Variants in SMG6 observed in about 807,000 individuals in gnomAD.
The protein encoded by SMG6 is SMG6 nonsense mediated mRNA decay factor, also known as telomerase-binding protein EST1A.
In SMG6, 66 loss-of-function variants were observed where a neutral mutation model predicts 142.2. The ratio of observed to expected loss-of-function variants is 0.46; its 90% CI spans 0.38 to 0.57. SMG6 has a LOEUF of 0.57. Among genes scored for constraint, SMG6 ranks in the 20% least tolerant of loss-of-function variants. The pLI is 0.00. For synonymous variants in SMG6, 779 were observed against 702.4 expected, an observed-to-expected ratio of 1.11 and a Z score of -1.72; for missense variants, 1,793 against 1,832.0, an observed-to-expected ratio of 0.98 and a Z score of 0.39.
chr17:2,188,639 G>A (rs2072066712), intron 10 of SMG6, 124 bp from the exon 11 acceptor site: 3 of 771,704 alleles, frequency 3.9e-6, no homozygotes, highest in South Asian at 3.4e-5. Context: ...CTCTCAGAGT[G>A]GTCATAAGGC....
chr17:2,197,575 C>T (rs2072370183), intron 10 of SMG6, among the ~76,000 whole-genome samples: 1 of 151,292 alleles, frequency 6.6e-6, no homozygotes, highest in Non-Finnish European at 1.5e-5. Flanking sequence ...AAAAACAACA[C>T]ATAAAGAAAA....
chr17:2,148,354 C>T (rs2070730462), intron 13 of SMG6, among the ~76,000 whole-genome samples: 2 of 152,102 alleles, frequency 1.3e-5, no homozygotes, highest in African/African-American at 4.8e-5. Flanking sequence ...TGGAAGCAAC[C>T]CAAGTGTCCA....
chr17:2,209,657 C>A (rs575832531), intron 10 of SMG6, among the ~76,000 whole-genome samples: 59 of 152,058 alleles, frequency 3.9e-4, no homozygotes, highest in Admixed American at 9.8e-4. Flanking sequence ...AGCCACTGCA[C>A]CCAATCTAAA....
chr17:2,175,946 C>T (rs1409500766), intron 12 of SMG6, among the ~76,000 whole-genome samples: 1 of 152,198 alleles, frequency 6.6e-6, no homozygotes, highest in African/African-American at 2.4e-5. Context: ...TTTCATCGAA[C>T]ACCACAGACA....
At chr17:2,292,481 G>A in intron 6 of SMG6, 71 bp downstream of exon 6, 1 of 1,425,062 alleles carries the variant, frequency 7.0e-7, no homozygotes, top group East Asian at 2.3e-5. Flanking sequence ...TCCAGGAACT[G>A]ATATTATCAA....
In SMG6 at chr17:2,091,709, T is replaced by C. The variant is rs138829514; in HGVS notation, c.3358-5808A>G. 8.3e-3 allele frequency among the ~76,000 whole-genome samples: 1,258 copies of C among 151,088 alleles called. 28 individuals carry two copies. The highest frequency in any genetic ancestry group is 0.042 in the Admixed American group (640 of 15,178). ...TTTTTGAGAGAGAGTCTCGCTCTGT[T>C]GCCCAGGCTGGAGTGCAGTGGTGCG... On this transcript the variant is annotated intron_variant, in intron 13 of 18. Coordinates refer to ENST00000263073, the MANE Select transcript of SMG6 (RefSeq NM_017575.5).
chr17:2,275,006 CAAAAA>C (rs57628038), intron 8 of SMG6, among the ~76,000 whole-genome samples: 1 of 115,918 alleles, frequency 8.6e-6, no homozygotes, highest in African/African-American at 2.9e-5. Flanking sequence ...AAAGCATGGG[CAAAAA>C]AAAAAAAAAA....
At chr17:2,195,585 A>G (rs2072299626) in intron 10 of SMG6, among the ~76,000 whole-genome samples, 1 of 152,230 alleles carries the variant, frequency 6.6e-6, no homozygotes, top group Non-Finnish European at 1.5e-5. Flanking sequence ...TGCTCATAAT[A>G]GTAGGCACAC....
intron 13 of SMG6, among the ~76,000 whole-genome samples, chr17:2,136,117 C>G (rs1243505678): frequency 6.6e-6 from 1 of 151,502 alleles, no homozygotes; most frequent in Non-Finnish European, 1.5e-5. Context: ...GGCTGGAGTG[C>G]AGTGGTGTGA....
At chr17:2,247,806 G>C (rs1007987049) in intron 8 of SMG6, among the ~76,000 whole-genome samples, 2 of 151,182 alleles carry the variant, frequency 1.3e-5, no homozygotes, top group Non-Finnish European at 3.0e-5. Context: ...AAAGAAAAAA[G>C]ATACAGGCCA....
At chr17:2,089,386 T>C (rs533461387) in intron 13 of SMG6, among the ~76,000 whole-genome samples, 4 of 152,184 alleles carry the variant, frequency 2.6e-5, no homozygotes, top group Admixed American at 2.6e-4. Flanking sequence ...GGACCTCTCC[T>C]CTGCGGTGTA....
rs869124628 is a variant in SMG6, at chr17:2,230,305, C to CA, written c.2869+6186dup. Among the ~76,000 whole-genome samples the CA allele has an allele frequency of 3.7e-3, 60 of 16,266 alleles. 6 individuals carry two copies. The highest frequency in any genetic ancestry group is 0.01 in the South Asian group (3 of 288). The allele number at this position is 16,266 out of a possible 152,430, so 10.7% of individuals were successfully genotyped here. On this transcript the variant is annotated intron_variant, in intron 10 of 18. Coordinates refer to ENST00000263073, the MANE Select transcript of SMG6 (RefSeq NM_017575.5). The stretch of plus-strand genomic sequence containing the variant: ...CCTTCAGAATAAGTCCATGTCGGGG[C>CA]AAAAAAAAAAAAAAAAAAAAAAAAA...
intron 13 of SMG6, among the ~76,000 whole-genome samples, chr17:2,138,192 A>T (rs536248008): frequency 6.6e-5 from 10 of 152,266 alleles, no homozygotes; most frequent in East Asian, 3.9e-4. Context: ...GAAGAAAAAA[A>T]ATATACGGTA....
chr17:2,176,482 A>G (rs2071655399), intron 12 of SMG6, among the ~76,000 whole-genome samples: 1 of 152,220 alleles, frequency 6.6e-6, no homozygotes, highest in Non-Finnish European at 1.5e-5. Context: ...GGACTCATGC[A>G]GGTCCTTCTG....
rs1265077200 is a variant in SMG6 at position 2,068,951 on chromosome 17, A to C, written c.3682-20T>G. The stretch of plus-strand genomic sequence containing the variant: ...GACAGCCTATGGGGACAGAGTGGTG[A>C]ATGAGCCAGACAGCGAGCAGGCAAG... On this transcript the variant is annotated intron_variant, in intron 15 of 18. Transcript: ENST00000263073. This position sits in a 1 kb window ranked among gnomAD's most constrained non-coding sequence, Gnocchi z 6.7. 7 of 1,612,196 alleles carry C rather than the reference A, an allele frequency of 4.3e-6. No individual in the cohort carries two copies. Among genetic ancestry groups the C allele is most frequent in the African/African-American group, 1.3e-5 (1 of 74,898 alleles).
intron 13 of SMG6, among the ~76,000 whole-genome samples, chr17:2,144,355 T>C (rs1445228115): frequency 6.6e-6 from 1 of 151,992 alleles, no homozygotes; most frequent in African/African-American, 2.4e-5. Context: ...GCGTGAGCCA[T>C]GGCGCCTGGC....
At chr17:2,066,356 ATG>A (rs2151387608) in intron 16 of SMG6, among the ~76,000 whole-genome samples, 1 of 137,134 alleles carries the variant, frequency 7.3e-6, no homozygotes, top group East Asian at 2.0e-4. Context: ...ATGTGTGTAC[ATG>A]TGTGTATATG....
chr17:2,240,415 G>C (rs1458293091), intron 9 of SMG6, among the ~76,000 whole-genome samples: 1 of 151,552 alleles, frequency 6.6e-6, no homozygotes, highest in Non-Finnish European at 1.5e-5. Context: ...AAACGAGCAA[G>C]ATACGAATAA....
chr17:2,277,426 A>G (rs1020820541), intron 8 of SMG6, among the ~76,000 whole-genome samples: 8 of 152,018 alleles, frequency 5.3e-5, no homozygotes, highest in African/African-American at 1.7e-4. Context: ...TTGGCCTCCT[A>G]AAGAGCTGGG....
Sources: gnomAD v4.1 joint callset for allele counts (sites outside exome capture counted in the v4.1 genomes callset) on GRCh38, gnomAD v4.1.1 for gene constraint, Gnocchi (gnomAD v3.1) non-coding constraint, MANE v1.5 for transcripts, NCBI Gene and HGNC (gene_info 2026-07-23, HGNC 2026-07-21) for gene names.